MRTFB: variants seen among roughly 807,000 people sequenced by gnomAD.
MRTFB encodes the protein myocardin related transcription factor B.
A neutral mutation model predicts 104.2 loss-of-function variants in MRTFB; 29 were observed. The observed-to-expected ratio is 0.28, with a 90% confidence interval of 0.21 to 0.38. MRTFB has a LOEUF of 0.38. Among genes scored for constraint, MRTFB ranks in the 10% least tolerant of loss-of-function variants. The probability of loss-of-function intolerance (pLI) is 1.00; values close to 1 mark genes in which losing one functional copy is unlikely to be tolerated. For synonymous variants in MRTFB, 535 were observed against 519.5 expected (o/e 1.03, Z -0.41); for missense variants, 1,270 against 1,341.6 (o/e 0.95, Z 0.83).
chr16:14,121,757 A>C (rs2036856334), intron 2 of MRTFB, among the ~76,000 whole-genome samples: 1 of 151,970 alleles, frequency 6.6e-6, no homozygotes, highest in Non-Finnish European at 1.5e-5. Flanking sequence ...GTAGAATAGC[A>C]CTCCCCCATA....
At chr16:14,235,239 C>T (rs190731449) in intron 9 of MRTFB, among the ~76,000 whole-genome samples, 63 of 152,336 alleles carry the variant, frequency 4.1e-4, no homozygotes, top group Admixed American at 1.0e-3. Context: ...GGAGAGAAGG[C>T]CCTTGTCAGC....
chr16:14,158,120 C>G (rs2038893128), intron 3 of MRTFB, among the ~76,000 whole-genome samples: 1 of 152,162 alleles, frequency 6.6e-6, no homozygotes, highest in African/African-American at 2.4e-5. Context: ...TCTATTTTGA[C>G]TTTCTTAGTT....
In MRTFB at chr16:14,252,510, A is replaced by T; in HGVS notation, c.2703+8A>T. On this transcript the variant is annotated splice_region_variant and intron_variant, in intron 15 of 16. Coordinates refer to ENST00000571589, the MANE Select transcript of MRTFB (RefSeq NM_001308142.2). ...CAGGCCCCTCTGCCAGAGGTAAGTG[A>T]GGGCACGGTCATGGTGCATAAGGCT... 6.2e-7 allele frequency: 1 copy of T among 1,613,924 alleles called. No homozygotes were observed. The highest frequency in any genetic ancestry group is 2.2e-5 in the East Asian group (1 of 44,862).
At chr16:14,235,202 G>A (rs887838738) in intron 9 of MRTFB, among the ~76,000 whole-genome samples, 5 of 152,136 alleles carry the variant, frequency 3.3e-5, no homozygotes, top group African/African-American at 7.2e-5. Flanking sequence ...CTAAGTCGCC[G>A]GGACTGTCCC....
the MRTFB span, among the ~76,000 whole-genome samples, chr16:14,013,861 G>A: frequency 4.3e-3 from 658 of 152,208 alleles, 5 homozygotes; most frequent in African/African-American, 0.015. Flanking sequence ...TGGAAACGCA[G>A]GTCTCACTCA....
chr16:14,104,920 G>T (rs1281474559), intron 2 of MRTFB, among the ~76,000 whole-genome samples: 1 of 152,146 alleles, frequency 6.6e-6, no homozygotes, highest in Non-Finnish European at 1.5e-5. Context: ...TGGCACTGAA[G>T]CGTATTGACA....
At chr16:14,134,745 T>C (rs1413812229) in intron 2 of MRTFB, among the ~76,000 whole-genome samples, 7 of 152,230 alleles carry the variant, frequency 4.6e-5, no homozygotes, top group African/African-American at 1.7e-4. Flanking sequence ...TCTCTCCCAA[T>C]TCTTTGCTCC....
chr16:14,094,614 T>C (rs1196558725), intron 2 of MRTFB, among the ~76,000 whole-genome samples: 1 of 152,212 alleles, frequency 6.6e-6, no homozygotes, highest in Non-Finnish European at 1.5e-5. Context: ...GTTAATAAAA[T>C]CTAAGTTTCA....
intron 3 of MRTFB, among the ~76,000 whole-genome samples, chr16:14,164,704 A>G (rs992940567): frequency 3.3e-5 from 5 of 152,198 alleles, no homozygotes; most frequent in Non-Finnish European, 5.9e-5. Context: ...GTTTTGCAAG[A>G]TGGATAAGAA....
At chr16:14,004,943 G>C in the MRTFB span, among the ~76,000 whole-genome samples, 3 of 152,222 alleles carry the variant, frequency 2.0e-5, no homozygotes, top group Admixed American at 1.3e-4. Context: ...CTCCCCCAGG[G>C]GCTGGGCTGC....
chr16:14,216,107 C>T (rs759233857), intron 6 of MRTFB, among the ~76,000 whole-genome samples: 1 of 152,248 alleles, frequency 6.6e-6, no homozygotes, highest in Non-Finnish European at 1.5e-5. Flanking sequence ...AATCAAGGCT[C>T]ACTTTTGGCA....
intron 3 of MRTFB, among the ~76,000 whole-genome samples, chr16:14,202,539 C>G (rs2040753555): frequency 6.6e-6 from 1 of 152,126 alleles, no homozygotes. Flanking sequence ...CAGCAGAGAA[C>G]TATAAATTTG....
chr16:14,074,037 ACT>A (rs1029578372), intron 1 of MRTFB, among the ~76,000 whole-genome samples: 3 of 150,854 alleles, frequency 2.0e-5, no homozygotes, highest in African/African-American at 7.4e-5. Flanking sequence ...TATACATTTA[ACT>A]CTTCTTTTAA....
intron 3 of MRTFB, among the ~76,000 whole-genome samples, chr16:14,184,945 G>A (rs2039896000): frequency 6.6e-6 from 1 of 152,172 alleles, no homozygotes; most frequent in Admixed American, 6.5e-5. Flanking sequence ...TAGCGACCAC[G>A]CCAATTGTGG....
chr16:14,149,449 A>G (rs988976083), intron 3 of MRTFB: 2 of 152,242 alleles, frequency 1.3e-5, no homozygotes, highest in Non-Finnish European at 2.9e-5. Context: ...GCTACAAAAT[A>G]GAAGACCCTC....
intron 2 of MRTFB, among the ~76,000 whole-genome samples, chr16:14,135,514 G>C (rs59373227): frequency 6.6e-6 from 1 of 152,228 alleles, no homozygotes; most frequent in African/African-American, 2.4e-5. Flanking sequence ...GTAGTAGACT[G>C]TACCATCTAG....
At chr16:14,116,471 A>G (rs2036547748) in intron 2 of MRTFB, among the ~76,000 whole-genome samples, 1 of 152,030 alleles carries the variant, frequency 6.6e-6, no homozygotes, top group Non-Finnish European at 1.5e-5. Context: ...TTTTTTTTAT[A>G]TGCTTATTTC....
In MRTFB at chr16:14,240,440, G is replaced by A. The variant is rs759190711; in HGVS notation, c.1035G>A (p.Gln345=). 1.4e-5 allele frequency: 22 copies of A among 1,614,130 alleles called. No homozygotes were observed. In the East Asian group the frequency reaches 2.7e-4, roughly 20 times the overall value. The part of the protein sequence containing the change: ...LFLQLQILSQ[Q]KQHYNYQTIL... Reference sequence around the variant, plus strand: ...TGCAACTGCAGATCCTGAGTCAGCAGAAGCAGCACTACAACTACCAGACCA... The same window carrying A: ...TGCAACTGCAGATCCTGAGTCAGCAAAAGCAGCACTACAACTACCAGACCA... The change falls in exon 10 of 17, where the codon CAG becomes CAA. Residue 345 remains glutamine, a synonymous_variant. Coordinates refer to ENST00000571589, the MANE Select transcript of MRTFB (RefSeq NM_001308142.2).
chr16:14,115,156 C>T (rs1258095481), intron 2 of MRTFB, among the ~76,000 whole-genome samples: 1 of 152,184 alleles, frequency 6.6e-6, no homozygotes, highest in Non-Finnish European at 1.5e-5. Context: ...TTCAGCACCA[C>T]GCTGACACTA....
Sources: allele counts gnomAD v4.1 joint callset (sites outside exome capture counted in the v4.1 genomes callset), GRCh38; gene constraint gnomAD v4.1.1; transcripts MANE v1.5; gene names NCBI Gene and HGNC (gene_info 2026-07-23, HGNC 2026-07-21).